The following LHFPL3 variants were observed in gnomAD, a reference collection of about 807,000 sequenced individuals.
The protein encoded by LHFPL3 is LHFPL tetraspan subfamily member 3 protein.
A neutral mutation model predicts 19.3 loss-of-function variants in LHFPL3; 5 were observed. The ratio of observed to expected loss-of-function variants is 0.26; its 90% confidence interval spans 0.14 to 0.54. The LOEUF (loss-of-function observed/expected upper bound fraction) is 0.54. Among genes scored for constraint, LHFPL3 ranks in the 20% least tolerant of loss-of-function variants. The pLI is 0.94. For missense variants in LHFPL3, 249 were observed against 307.4 expected, an observed-to-expected ratio of 0.81 and a Z score of 1.42; for synonymous variants, 133 against 126.2, an observed-to-expected ratio of 1.05 and a Z score of -0.36.
chr7:104,614,070 A>G (rs1241639908), intron 1 of LHFPL3, among the ~76,000 whole-genome samples: 1 of 152,172 alleles, frequency 6.6e-6, no homozygotes, highest in African/African-American at 2.4e-5. Flanking sequence ...TAAAACTGGC[A>G]AGACACTGGC....
chr7:104,760,998 C>A (rs1243062048), intron 2 of LHFPL3, among the ~76,000 whole-genome samples: 1 of 150,986 alleles, frequency 6.6e-6, no homozygotes, highest in Non-Finnish European at 1.5e-5. Flanking sequence ...GACAGCAGAC[C>A]CAGGTGTGCT....
chr7:104,366,196 A>G (rs185171341), intron 1 of LHFPL3, among the ~76,000 whole-genome samples: 1 of 152,324 alleles, frequency 6.6e-6, no homozygotes, highest in East Asian at 1.9e-4. Flanking sequence ...CTCAGAGAAC[A>G]CTGAGGGTAA....
At chr7:104,453,655 T>A (rs967277497) in intron 1 of LHFPL3, among the ~76,000 whole-genome samples, 1 of 152,118 alleles carries the variant, frequency 6.6e-6, no homozygotes, top group Non-Finnish European at 1.5e-5. Flanking sequence ...TCATGGTGCA[T>A]GTAATCCCCA....
At chr7:104,329,864 C>G (rs140566578) in intron 1 of LHFPL3, among the ~76,000 whole-genome samples, 1 of 152,308 alleles carries the variant, frequency 6.6e-6, no homozygotes, top group East Asian at 1.9e-4. Context: ...TCCTCAATGT[C>G]AAGTCTTCAG....
chr7:104,495,475 C>G (rs1793452458), intron 1 of LHFPL3, among the ~76,000 whole-genome samples: 1 of 152,226 alleles, frequency 6.6e-6, no homozygotes, highest in Admixed American at 6.5e-5. Context: ...GCTCCACCTT[C>G]CGGGTTCACG....
At chr7:104,520,073 G>A (rs2115804306) in intron 1 of LHFPL3, among the ~76,000 whole-genome samples, 1 of 151,650 alleles carries the variant, frequency 6.6e-6, no homozygotes, top group South Asian at 2.1e-4. Flanking sequence ...GTATGATATT[G>A]GCTGTGGGTT....
chr7:104,515,401 C>T (rs926274925), intron 1 of LHFPL3, among the ~76,000 whole-genome samples: 10 of 152,150 alleles, frequency 6.6e-5, no homozygotes, highest in Non-Finnish European at 1.5e-4. Flanking sequence ...AAGAACTCAT[C>T]AGATTTCATG....
Position 104,399,567 on chromosome 7 carries a change from T to G in LHFPL3, c.445+70343T>G, listed in dbSNP as rs1791268884. Among the ~76,000 whole-genome samples the G allele has an allele frequency of 6.6e-6, 1 of 151,708 alleles. No homozygotes were observed. Among genetic ancestry groups the G allele is most frequent in the East Asian group, 1.9e-4 (1 of 5,142 alleles). ...ACCTCTGGCTCCTGGGTTCAAGGAA[T>G]TCTCCTGCCTCAGCCTCCCAAGTAG... On this transcript the variant is annotated intron_variant, in intron 1 of 2. Coordinates refer to ENST00000424859, the MANE Select transcript of LHFPL3 (RefSeq NM_199000.3). The surrounding 1 kb of genome is among the most constrained non-coding windows in gnomAD (Gnocchi z 4.4).
At chr7:104,598,946 CT>C (rs1424375285) in intron 1 of LHFPL3, among the ~76,000 whole-genome samples, 2 of 152,302 alleles carry the variant, frequency 1.3e-5, no homozygotes, top group East Asian at 3.9e-4. Context: ...ACAAAAGTGT[CT>C]TGACCTTGAT....
intron 1 of LHFPL3, among the ~76,000 whole-genome samples, chr7:104,430,842 C>T (rs145382734): frequency 1.3e-5 from 2 of 152,126 alleles, no homozygotes; most frequent in East Asian, 1.9e-4. Context: ...CCCTCCTCCA[C>T]CCCATCTTTG....
At chr7:104,555,721 T>C (rs1268795122) in intron 1 of LHFPL3, among the ~76,000 whole-genome samples, 1 of 152,184 alleles carries the variant, frequency 6.6e-6, no homozygotes, top group Non-Finnish European at 1.5e-5. Context: ...TCATGTCTTC[T>C]CAACAGTCTC....
chr7:104,386,139 T>C (rs922639571), intron 1 of LHFPL3, among the ~76,000 whole-genome samples: 2 of 152,160 alleles, frequency 1.3e-5, no homozygotes, highest in Non-Finnish European at 2.9e-5. Context: ...ATGATGGTAA[T>C]TGTAAACCAA....
intron 1 of LHFPL3, among the ~76,000 whole-genome samples, chr7:104,602,346 T>G (rs1173971865): frequency 6.6e-6 from 1 of 152,192 alleles, no homozygotes; most frequent in Non-Finnish European, 1.5e-5. Context: ...ATAGACAGTT[T>G]GTCTTTGTGA....
chr7:104,555,976 A>G (rs937974105), intron 1 of LHFPL3, among the ~76,000 whole-genome samples: 1 of 152,228 alleles, frequency 6.6e-6, no homozygotes, highest in African/African-American at 2.4e-5. Flanking sequence ...AAGCTCCAAA[A>G]TGATCTCCTT....
chr7:104,641,505 G>T (rs549229778), intron 1 of LHFPL3, among the ~76,000 whole-genome samples: 2 of 152,170 alleles, frequency 1.3e-5, no homozygotes, highest in African/African-American at 4.8e-5. Context: ...TTCCATTTTC[G>T]TTAGAGGTAT....
In LHFPL3 at chr7:104,393,504, T is replaced by C. The variant is rs1029706682; in HGVS notation, c.445+64280T>C. On this transcript the variant is annotated intron_variant, in intron 1 of 2. Transcript: ENST00000424859. The stretch of plus-strand genomic sequence containing the variant: ...AGGCCAAGGTGGGAGGATCACGAGG[T>C]CAGGAGTTCGAGACCAGCCTGATCA... Among the ~76,000 whole-genome samples the C allele has an allele frequency of 2.0e-5, 3 of 151,396 alleles. 1 individual carries two copies. The highest frequency in any genetic ancestry group is 4.4e-5 in the Non-Finnish European group (3 of 67,832).
intron 1 of LHFPL3, among the ~76,000 whole-genome samples, chr7:104,656,114 C>A (rs566178120): frequency 6.6e-6 from 1 of 151,996 alleles, no homozygotes; most frequent in Non-Finnish European, 1.5e-5. Flanking sequence ...TATTACTGCT[C>A]CTAATTTTTT....
intron 1 of LHFPL3, among the ~76,000 whole-genome samples, chr7:104,557,960 A>G (rs1789884811): frequency 6.6e-6 from 1 of 150,494 alleles, no homozygotes; most frequent in Non-Finnish European, 1.5e-5. Flanking sequence ...TAGTTTACTG[A>G]GAATCATGAT....
chr7:104,532,557 G>A (rs1794321734), intron 1 of LHFPL3, among the ~76,000 whole-genome samples: 1 of 151,754 alleles, frequency 6.6e-6, no homozygotes, highest in Non-Finnish European at 1.5e-5. Flanking sequence ...CTGACCCTGG[G>A]GAATTTACTT....
Sources: allele counts gnomAD v4.1 joint callset (sites outside exome capture counted in the v4.1 genomes callset), GRCh38; gene constraint gnomAD v4.1.1; non-coding constraint Gnocchi (gnomAD v3.1); transcripts MANE v1.5; gene names NCBI Gene and HGNC (gene_info 2026-07-23, HGNC 2026-07-21).